PGM3: variants seen among roughly 807,000 people sequenced by gnomAD.
PGM3 encodes the protein phosphoacetylglucosamine mutase.
In PGM3, 40 loss-of-function variants were observed where a neutral mutation model predicts 66.2. The observed-to-expected ratio is 0.60, with a 90% confidence interval of 0.47 to 0.79. The LOEUF (loss-of-function observed/expected upper bound fraction) is 0.79, where lower values mean the gene tolerates loss of function less well. PGM3 is among the 30% of genes least tolerant of loss of function. The pLI, the probability that PGM3 is intolerant of heterozygous loss-of-function variation, is 0.00. For missense variants in PGM3, 537 were observed against 643.4 expected (o/e 0.83, Z 1.79); for synonymous variants, 191 against 224.2 (o/e 0.85, Z 1.32).
chr6:83,169,738 T>C (rs765032472), intron 12 of PGM3: 2 of 458,444 alleles, frequency 4.4e-6, no homozygotes, highest in South Asian at 3.1e-5. Flanking sequence ...TCCTCCTGAT[T>C]CCCTATTCAG....
the PGM3 span, chr6:83,152,435 T>G: frequency 3.0e-6 from 2 of 659,168 alleles, no homozygotes; most frequent in Non-Finnish European, 4.8e-6. Context: ...TAGCAAGTAA[T>G]TTTTATAGAG....
intron 9 of PGM3, 47 bp from the exon 10 acceptor site, chr6:83,174,534 C>T: frequency 9.8e-7 from 1 of 1,018,006 alleles, no homozygotes; most frequent in Non-Finnish European, 1.5e-6. Context: ...TATCCAAAAC[C>T]TAGTCATAAG....
chr6:83,170,599 C>A, intron 11 of PGM3, 121 bp from the exon 12 acceptor site: 1 of 781,030 alleles, frequency 1.3e-6, no homozygotes. Flanking sequence ...AAACTTCTTT[C>A]TCCAAGGTCA....
Position 83,182,838 on chromosome 6 carries a change from T to C in PGM3, c.591+7A>G. On this transcript the variant is annotated splice_region_variant and intron_variant, in intron 5 of 12. Transcript: ENST00000513973. ...TTAACTTTAACCATGTTCAATAAACTTTTCACCTGTTTGGTGAGTTCCACA... is the reference window on the plus strand; with the variant it reads ...TTAACTTTAACCATGTTCAATAAACCTTTCACCTGTTTGGTGAGTTCCACA... 6.2e-7 allele frequency: 1 copy of C among 1,612,754 alleles called. No homozygotes were observed. The highest frequency in any genetic ancestry group is 2.2e-5 in the East Asian group (1 of 44,860).
chr6:83,169,963 T>C (rs1022463207), intron 12 of PGM3: 26 of 382,776 alleles, frequency 6.8e-5, no homozygotes, highest in Non-Finnish European at 7.0e-5. Context: ...GTTGTTTTCA[T>C]GTCACAAGAG....
At chr6:83,162,412 T>C (rs1023538699), downstream of PGM3, among the ~76,000 whole-genome samples, 2 of 152,204 alleles carry the variant, frequency 1.3e-5, no homozygotes, top group Admixed American at 6.5e-5. Context: ...TTTGTCAGAC[T>C]GTTATGTTGC....
the PGM3 span, chr6:83,151,528 T>G: frequency 7.6e-7 from 1 of 1,315,048 alleles, no homozygotes; most frequent in Non-Finnish European, 1.1e-6. Context: ...TCGTGAGAAA[T>G]TAGATCGCAT....
intron 3 of PGM3, 37 bp downstream of exon 3, chr6:83,188,577 A>G (rs1277968151): frequency 6.7e-6 from 10 of 1,488,680 alleles, no homozygotes; most frequent in Non-Finnish European, 8.2e-6. Context: ...TCACGTTCCC[A>G]AAGGTTTTTT....
chr6:83,185,559 T>C (rs571465407), intron 4 of PGM3, among the ~76,000 whole-genome samples: 5 of 152,060 alleles, frequency 3.3e-5, no homozygotes, highest in Non-Finnish European at 7.4e-5. Flanking sequence ...GTCAGGAGAT[T>C]GAGACCAGTC....
intron 10 of PGM3, 93 bp downstream of exon 10, chr6:83,174,281 C>T: frequency 1.5e-6 from 1 of 684,304 alleles, no homozygotes; most frequent in Non-Finnish European, 2.5e-6. Context: ...CAGGACGTCT[C>T]CACTTTAATT....
downstream of PGM3, among the ~76,000 whole-genome samples, chr6:83,159,407 G>A (rs1234549568): frequency 6.6e-6 from 1 of 151,448 alleles, no homozygotes; most frequent in Non-Finnish European, 1.5e-5. Context: ...CTGAGCAGCT[G>A]AGACCACAGG....
At chr6:83,162,621 T>G (rs931235096), downstream of PGM3, among the ~76,000 whole-genome samples, 13 of 152,142 alleles carry the variant, frequency 8.5e-5, no homozygotes, top group Non-Finnish European at 1.9e-4. Context: ...TGATGAAGGC[T>G]CAGAGAGGTT....
the PGM3 span, chr6:83,152,219 C>A: frequency 1.2e-6 from 1 of 842,200 alleles, no homozygotes; most frequent in South Asian, 1.9e-5. Flanking sequence ...AATACACACA[C>A]ACACACACAC....
In PGM3 at chr6:83,168,042, T is replaced by C; in HGVS notation, c.*1192A>G. 6.2e-7 allele frequency: 1 copy of C among 1,614,178 alleles called. No individual in the cohort carries two copies. The highest frequency in any genetic ancestry group is 8.5e-7 in the Non-Finnish European group (1 of 1,180,028). On this transcript the variant is annotated 3_prime_UTR_variant, in exon 13 of 13. Coordinates refer to ENST00000513973, the MANE Select transcript of PGM3 (RefSeq NM_015599.3). The stretch of plus-strand genomic sequence containing the variant: ...AGGACACTCAGGGAGTCCTATCCTC[T>C]ACTCAAATGCCTTCCCTAATAAGGA...
At chr6:83,162,785 C>A (rs921119106), downstream of PGM3, 1 of 1,610,280 alleles carries the variant, frequency 6.2e-7, no homozygotes, top group Non-Finnish European at 8.5e-7. Flanking sequence ...TTATTCTATA[C>A]ATAGGTACCG....
chr6:83,175,324 G>C (rs1787676731), intron 9 of PGM3, among the ~76,000 whole-genome samples: 3 of 152,072 alleles, frequency 2.0e-5, no homozygotes, highest in African/African-American at 7.2e-5. Context: ...ATTGCATTTT[G>C]TAGGAACTTA....
chr6:83,163,634 A>T (rs1784751037), downstream of PGM3, among the ~76,000 whole-genome samples: 1 of 152,180 alleles, frequency 6.6e-6, no homozygotes, highest in African/African-American at 2.4e-5. Flanking sequence ...CAGTACAGCT[A>T]TATAACCGAA....
chr6:83,187,079 GGAAA>G lies in PGM3; in HGVS notation c.390-8_390-5del. 1.3e-6 allele frequency: 2 copies of G among 1,581,054 alleles called. No individual in the cohort carries two copies. The highest frequency in any genetic ancestry group is 1.7e-6 in the Non-Finnish European group (2 of 1,151,370). ...TGAAAGTTTCTCACTGCTGGGCCTA[GGAAA>G]GAAAAGGAAGAAAATAATATATCCC... On this transcript the variant is annotated splice_region_variant and splice_polypyrimidine_tract_variant and intron_variant, in intron 3 of 12. Transcript: ENST00000513973.
chr6:83,187,010 T>C lies in PGM3; in HGVS notation c.455A>G (p.His152Arg), dbSNP rs1362386764. Residue 152 changes from histidine (H) to arginine (R), a missense_variant and splice_region_variant, in exon 4 of 13, where the codon CAT becomes CGT. His to Arg is a conservative substitution (Grantham distance 29). Coordinates refer to ENST00000513973, the MANE Select transcript of PGM3 (RefSeq NM_015599.3). ...DGVTVLGGQF[H>R]DYGLLTTPQL... ...TCCAACTCAGGATAACTACATACCA[T>C]GGAATTGACCTCCTAGAACAGTCAC... is the stretch of plus-strand genomic sequence containing the variant. 1.3e-6 allele frequency: 2 copies of C among 1,544,468 alleles called. No individual in the cohort carries two copies. Among genetic ancestry groups the C allele is most frequent in the Non-Finnish European group, 1.8e-6 (2 of 1,120,308 alleles).
Sources: gnomAD v4.1 joint callset for allele counts (sites outside exome capture counted in the v4.1 genomes callset) on GRCh38, gnomAD v4.1.1 for gene constraint, MANE v1.5 for transcripts, NCBI Gene and HGNC (gene_info 2026-07-23, HGNC 2026-07-21) for gene names.